The following POLR1A variants were observed in gnomAD, a reference collection of about 807,000 sequenced individuals.
POLR1A encodes RNA polymerase I subunit A.
Under a neutral mutation model 205.3 loss-of-function variants are expected in POLR1A, and 84 were observed. That is an observed-to-expected ratio of 0.41 (90% CI 0.34 to 0.49). The LOEUF is 0.49. POLR1A is among the 20% of genes least tolerant of loss of function. POLR1A has a pLI of 0.22. For missense variants in POLR1A, 1,645 were observed against 2,204.5 expected, an observed-to-expected ratio of 0.75 and a Z score of 5.08; for synonymous variants, 799 against 863.7, an observed-to-expected ratio of 0.93 and a Z score of 1.31.
chr2:86,069,574 C>T (rs1673140019), intron 13 of POLR1A, among the ~76,000 whole-genome samples: 1 of 152,166 alleles, frequency 6.6e-6, no homozygotes, highest in Non-Finnish European at 1.5e-5. Context: ...TCACGGGCTG[C>T]TGCGGGATCT....
intron 14 of POLR1A, among the ~76,000 whole-genome samples, chr2:86,060,432 G>C (rs985499910): frequency 2.0e-5 from 3 of 152,126 alleles, no homozygotes; most frequent in Admixed American, 1.3e-4. Context: ...CAAAGCTGTA[G>C]ACTTTTACTA....
rs961687868 is a variant in POLR1A, at chr2:86,023,291, G to C, written c.*4132C>G. 2 of 152,226 alleles carry C rather than the reference G, an allele frequency of 1.3e-5. No individual in the cohort carries two copies. The highest frequency in any genetic ancestry group is 2.9e-5 in the Non-Finnish European group (2 of 68,046). 9.4% of individuals were successfully genotyped at this position (152,226 alleles called of 1,614,324 possible). A position where few individuals can be genotyped will look rare whatever the true frequency, so the allele number is the denominator to read the frequency against. On this transcript the variant is annotated 3_prime_UTR_variant, in exon 34 of 34. Transcript: ENST00000263857. Reference sequence around the variant, plus strand: ...CAAGGGCAGGCTGTGGTACGGGGCTGCCCCACTGAGCCATCTGCAGAGGTG... The same window carrying C: ...CAAGGGCAGGCTGTGGTACGGGGCTCCCCCACTGAGCCATCTGCAGAGGTG...
intron 3 of POLR1A, among the ~76,000 whole-genome samples, 188 bp downstream of exon 3, chr2:86,098,423 T>C (rs560532497): frequency 6.6e-6 from 1 of 152,256 alleles, no homozygotes; most frequent in African/African-American, 2.4e-5. Flanking sequence ...ATTGTTTCTA[T>C]GAACATTTCT....
chr2:86,038,604 T>G (rs1157446443), intron 27 of POLR1A, 96 bp downstream of exon 27: 20 of 1,249,390 alleles, frequency 1.6e-5, no homozygotes, highest in Non-Finnish European at 2.2e-5. Context: ...GCAAAGGCAC[T>G]CAATCTCTAG....
intron 31 of POLR1A, 86 bp downstream of exon 31, chr2:86,030,110 G>T: frequency 1.8e-6 from 2 of 1,106,128 alleles, no homozygotes; most frequent in African/African-American, 3.1e-5. Context: ...AAATCGCGTA[G>T]AGCGAGCCTC....
chr2:86,029,599 C>CTT (rs35348861), intron 31 of POLR1A, among the ~76,000 whole-genome samples: 51,795 of 137,538 alleles, frequency 0.38, 12,328 homozygotes, highest in Non-Finnish European at 0.54. Context: ...TAATTTCTTT[C>CTT]TTTTTTTTTT....
At position 86,028,075 on chromosome 2, in the gene POLR1A, A is replaced by T. The variant is rs748733726; in HGVS notation, c.4898-26T>A. ...CTGTCAAACGGGAGGTAAAATTAGG[A>T]GGGATTAAGCAGTGACCACGGGAGC... On this transcript the variant is annotated intron_variant, in intron 32 of 33. Coordinates refer to ENST00000263857, the MANE Select transcript of POLR1A (RefSeq NM_015425.6). This position sits in a 1 kb window ranked among gnomAD's most constrained non-coding sequence, Gnocchi z 4.5. The T allele has an allele frequency of 1.2e-6, 2 of 1,613,544 alleles. No homozygotes were observed. Among genetic ancestry groups the T allele is most frequent in the South Asian group, 2.2e-5 (2 of 91,052 alleles).
At chr2:86,048,789 G>A in intron 18 of POLR1A, 95 bp downstream of exon 18, 1 of 1,131,244 alleles carries the variant, frequency 8.8e-7, no homozygotes, top group Non-Finnish European at 1.3e-6. Context: ...AACAGCCAAG[G>A]TGCTCTGTAG....
chr2:86,061,463 G>C (rs1672994478), intron 14 of POLR1A, among the ~76,000 whole-genome samples: 1 of 152,102 alleles, frequency 6.6e-6, no homozygotes, highest in Non-Finnish European at 1.5e-5. Context: ...GAAAACTTTA[G>C]GAAACTATCT....
intron 3 of POLR1A, among the ~76,000 whole-genome samples, chr2:86,096,249 A>G (rs1673701282): frequency 6.6e-6 from 1 of 152,186 alleles, no homozygotes; most frequent in Non-Finnish European, 1.5e-5. Context: ...CTCTTGGAAA[A>G]CTGCAAAACA....
At chr2:86,040,200 C>A (rs1672576174) in intron 25 of POLR1A, 192 bp downstream of exon 25, 2 of 459,154 alleles carry the variant, frequency 4.4e-6, no homozygotes, top group Non-Finnish European at 7.5e-6. Context: ...TCCTACCAGG[C>A]CTGGGCACCA....
intron 25 of POLR1A, 72 bp downstream of exon 25, chr2:86,040,320 C>G (rs773758223): frequency 4.3e-5 from 53 of 1,224,748 alleles, no homozygotes; most frequent in Non-Finnish European, 5.3e-5. Context: ...CACTCACCCC[C>G]TCTCATTAAA....
intron 18 of POLR1A, among the ~76,000 whole-genome samples, chr2:86,048,154 T>C (rs1672740077): frequency 6.6e-6 from 1 of 152,176 alleles, no homozygotes; most frequent in Non-Finnish European, 1.5e-5. Context: ...TTGATGAGTG[T>C]TGGCATTGCC....
Position 86,045,316 on chromosome 2 carries a change from G to A in POLR1A, c.2931C>T (p.Asp977=). Residue 977 remains aspartate, a synonymous_variant, in exon 21 of 34, where the codon GAC becomes GAT. Coordinates refer to ENST00000263857, the MANE Select transcript of POLR1A (RefSeq NM_015425.6). ...CTGAGCGGCTGGTTTTCACAGCAGT[G>A]TCCACCAGGCCCTCTCGTCCTGCCA... ...HCMAGREGLV[D]TAVKTSRSGY... 6.2e-7 allele frequency: 1 copy of A among 1,613,924 alleles called. No individual in the cohort carries two copies. The highest frequency in any genetic ancestry group is 8.5e-7 in the Non-Finnish European group (1 of 1,179,790).
chr2:86,043,640 G>A (rs148042470), intron 22 of POLR1A, among the ~76,000 whole-genome samples: 4 of 152,272 alleles, frequency 2.6e-5, no homozygotes, highest in African/African-American at 7.2e-5. Flanking sequence ...TGCAAATGGG[G>A]TGACTGCCCA....
At position 86,047,233 on chromosome 2, in the gene POLR1A, ACTGT is replaced by A; in HGVS notation, c.2661_2664del (p.Arg887SerfsTer9). The stretch of plus-strand genomic sequence containing the variant: ...ATCATCTGCAGGCTGTTCTCTGGGA[ACTGT>A]CTGTGTAGGCCAAAAGGCATGCATG... On this transcript the variant is annotated frameshift_variant, in exon 19 of 34. Transcript: ENST00000263857. LOFTEE classifies it high-confidence loss of function. 1.2e-6 allele frequency: 2 copies of A among 1,614,052 alleles called. No individual in the cohort carries two copies. The highest frequency in any genetic ancestry group is 1.7e-6 in the Non-Finnish European group (2 of 1,179,942).
intron 27 of POLR1A, among the ~76,000 whole-genome samples, chr2:86,036,765 G>A (rs1231760892): frequency 6.6e-6 from 1 of 152,202 alleles, no homozygotes; most frequent in Non-Finnish European, 1.5e-5. Flanking sequence ...TCCACCAAAA[G>A]CTACTGCGCA....
intron 14 of POLR1A, among the ~76,000 whole-genome samples, chr2:86,059,577 T>C (rs1348087802): frequency 6.6e-6 from 1 of 152,132 alleles, no homozygotes; most frequent in Non-Finnish European, 1.5e-5. Context: ...TTTCTTTTAT[T>C]TTTTTTGAAA....
At chr2:86,064,243 A>G (rs1673048545) in intron 14 of POLR1A, among the ~76,000 whole-genome samples, 1 of 152,186 alleles carries the variant, frequency 6.6e-6, no homozygotes, top group Non-Finnish European at 1.5e-5. Flanking sequence ...CTGGTTTCAA[A>G]GAGAAAAACC....
Sources: allele counts gnomAD v4.1 joint callset (sites outside exome capture counted in the v4.1 genomes callset), GRCh38; gene constraint gnomAD v4.1.1; non-coding constraint Gnocchi (gnomAD v3.1); transcripts MANE v1.5; gene names NCBI Gene and HGNC (gene_info 2026-07-23, HGNC 2026-07-21).